The following RASGEF1C variants were observed in gnomAD, a reference collection of about 807,000 sequenced individuals.
RASGEF1C encodes ras-GEF domain-containing family member 1C.
Under a neutral mutation model 58.1 loss-of-function variants are expected in RASGEF1C, and 27 were observed. The ratio of observed to expected loss-of-function variants is 0.46; its 90% CI spans 0.34 to 0.64. The LOEUF is 0.64. RASGEF1C is among the 30% of genes least tolerant of loss of function. RASGEF1C has a pLI of 0.01. For missense variants in RASGEF1C, 502 were observed against 605.1 expected, an observed-to-expected ratio of 0.83 and a Z score of 1.79; for synonymous variants, 243 against 246.3, an observed-to-expected ratio of 0.99 and a Z score of 0.13.
intron 7 of RASGEF1C, 95 bp from the exon 8 acceptor site, chr5:180,119,543 A>C: frequency 3.3e-6 from 3 of 898,990 alleles, no homozygotes; most frequent in Non-Finnish European, 5.4e-6. Flanking sequence ...ACCTTCTCTA[A>C]ACCCATTGCA....
intron 1 of RASGEF1C, among the ~76,000 whole-genome samples, chr5:180,150,766 A>T (rs1348030634): frequency 6.6e-6 from 1 of 152,164 alleles, no homozygotes; most frequent in Non-Finnish European, 1.5e-5. Context: ...GGAAAAAAGG[A>T]AGTCAAATTG....
Position 180,143,779 on chromosome 5 carries a change from T to C in RASGEF1C, c.-6-5721A>G, listed in dbSNP as rs1766621599. Among the ~76,000 whole-genome samples the C allele has an allele frequency of 6.6e-6, 1 of 152,208 alleles. No homozygotes were observed. The highest frequency in any genetic ancestry group is 2.4e-5 in the African/African-American group (1 of 41,460). ...AAGGTGGTCAGTTTACAGACCCTGT[T>C]CCTGCTGGGGTCCCCACATCCCTCA... is the stretch of plus-strand genomic sequence containing the variant. On this transcript the variant is annotated intron_variant, in intron 1 of 13. Coordinates refer to ENST00000361132, the MANE Select transcript of RASGEF1C (RefSeq NM_175062.4). This position sits in a 1 kb window ranked among gnomAD's most constrained non-coding sequence, Gnocchi z 4.3.
intron 1 of RASGEF1C, among the ~76,000 whole-genome samples, chr5:180,191,229 C>T (rs1180145159): frequency 1.3e-5 from 2 of 152,216 alleles, no homozygotes; most frequent in African/African-American, 2.4e-5. Context: ...TAGAATTTGG[C>T]AGTTTCTTAA....
At chr5:180,118,569 C>T in intron 10 of RASGEF1C, 40 bp downstream of exon 10, 5 of 1,542,318 alleles carry the variant, frequency 3.2e-6, no homozygotes, top group Non-Finnish European at 4.4e-6. Flanking sequence ...ACCCAGGTTC[C>T]CTGCTGCAGC....
At chr5:180,152,631 T>G (rs377584525) in intron 1 of RASGEF1C, among the ~76,000 whole-genome samples, 1 of 148,266 alleles carries the variant, frequency 6.7e-6, no homozygotes, top group Non-Finnish European at 1.5e-5. Context: ...AGTTAATGGG[T>G]GCAGCACACC....
rs369123355 is a variant in RASGEF1C, at chr5:180,190,259, A to G, written c.-7+18769T>C. Reference sequence around the variant, plus strand: ...TCCCAGCATTTTGGGAGGCCGAGGCAGGCGGATCACGAGGTTAGGAGATCG... The same window carrying G: ...TCCCAGCATTTTGGGAGGCCGAGGCGGGCGGATCACGAGGTTAGGAGATCG... On this transcript the variant is annotated intron_variant, in intron 1 of 13. Coordinates refer to ENST00000361132, the MANE Select transcript of RASGEF1C (RefSeq NM_175062.4). Among the ~76,000 whole-genome samples the G allele has an allele frequency of 9.8e-4, 149 of 152,008 alleles. 2 individuals are homozygous for G. The highest frequency in any genetic ancestry group is 6.6e-3 in the East Asian group (34 of 5,144).
In RASGEF1C at chr5:180,136,436, T is replaced by A; in HGVS notation, c.380A>T (p.Glu127Val). The A allele has an allele frequency of 6.4e-7, 1 of 1,560,810 alleles. No individual in the cohort carries two copies. Among genetic ancestry groups the A allele is most frequent in the Non-Finnish European group, 8.7e-7 (1 of 1,152,332 alleles). The change falls in exon 4 of 14, where the codon GAA becomes GTA. Residue 127 changes from glutamate (E) to valine (V), a missense_variant. Physicochemically the swap from Glu to Val is moderately radical, Grantham distance 121. Coordinates refer to ENST00000361132, the MANE Select transcript of RASGEF1C (RefSeq NM_175062.4). ...CTTAAGGTGCCCGATAGTCGACTCT[T>A]CCTGGAAGTCCCTTGGGAAGGTCTC... Reference protein sequence around the residue: ...WTETFPRDFQEESTIGHLKDV... With the variant: ...WTETFPRDFQVESTIGHLKDV...
chr5:180,150,660 C>T (rs4700882), intron 1 of RASGEF1C, among the ~76,000 whole-genome samples: 140,960 of 152,160 alleles, frequency 0.93, 66,226 homozygotes, highest in East Asian at 1. Context: ...AACCCTGTCT[C>T]TGGGATGCCC....
intron 1 of RASGEF1C, among the ~76,000 whole-genome samples, chr5:180,153,722 A>AT (rs1766804140): frequency 6.6e-6 from 1 of 152,242 alleles, no homozygotes; most frequent in African/African-American, 2.4e-5. Flanking sequence ...CATGTCTACA[A>AT]TTAATGGTAA....
intron 1 of RASGEF1C, among the ~76,000 whole-genome samples, chr5:180,176,556 CTTT>C (rs538002188): frequency 2.9e-5 from 4 of 138,352 alleles, no homozygotes; most frequent in African/African-American, 2.7e-5. Context: ...AAGGCTAATA[CTTT>C]TTTTTTTTTT....
At chr5:180,208,322 C>T (rs1405078453) in intron 1 of RASGEF1C, among the ~76,000 whole-genome samples, 1 of 152,160 alleles carries the variant, frequency 6.6e-6, no homozygotes, top group Non-Finnish European at 1.5e-5. Flanking sequence ...AGCACCCCAA[C>T]TTCCCAGCTC....
intron 6 of RASGEF1C, among the ~76,000 whole-genome samples, chr5:180,125,811 G>T (rs951853860): frequency 3.3e-5 from 5 of 151,958 alleles, no homozygotes; most frequent in Non-Finnish European, 5.9e-5. Flanking sequence ...AATCTTAATT[G>T]CTAATATAAA....
intron 1 of RASGEF1C, among the ~76,000 whole-genome samples, chr5:180,163,417 A>G (rs1766976617): frequency 6.6e-6 from 1 of 151,836 alleles, no homozygotes; most frequent in African/African-American, 2.4e-5. Flanking sequence ...AGATTGGGGA[A>G]GTTCCCTTCT....
intron 4 of RASGEF1C, among the ~76,000 whole-genome samples, chr5:180,132,382 G>C (rs1420155759): frequency 6.6e-6 from 1 of 152,216 alleles, no homozygotes; most frequent in East Asian, 1.9e-4. Flanking sequence ...CTCTTGGACT[G>C]GGCATTTCAC....
chr5:180,136,430 G>T lies in RASGEF1C; in HGVS notation c.386C>A (p.Ser129Ter). 6.4e-7 allele frequency: 1 copy of T among 1,561,516 alleles called. No homozygotes were observed. The highest frequency in any genetic ancestry group is 1.2e-5 in the South Asian group (1 of 84,916). ...ETFPRDFQEE[S>*]TIGHLKDVVG... is the part of the protein sequence containing the mutation. Reference sequence around the variant, plus strand: ...GACGTCCTTAAGGTGCCCGATAGTCGACTCTTCCTGGAAGTCCCTTGGGAA... The same window carrying T: ...GACGTCCTTAAGGTGCCCGATAGTCTACTCTTCCTGGAAGTCCCTTGGGAA... Residue 129 changes from serine (S) to a stop codon, truncating the protein, a stop_gained, in exon 4 of 14, where the codon TCG becomes TAG. Coordinates refer to ENST00000361132, the MANE Select transcript of RASGEF1C (RefSeq NM_175062.4). LOFTEE classifies it high-confidence loss of function.
chr5:180,173,792 A>G (rs776695408), intron 1 of RASGEF1C, among the ~76,000 whole-genome samples: 4 of 152,092 alleles, frequency 2.6e-5, no homozygotes, highest in African/African-American at 7.2e-5. Context: ...GGGCGCCTGT[A>G]ATCCCAGCTG....
intron 1 of RASGEF1C, among the ~76,000 whole-genome samples, chr5:180,201,190 GA>G (rs1163261393): frequency 6.6e-6 from 1 of 152,212 alleles, no homozygotes; most frequent in African/African-American, 2.4e-5. Flanking sequence ...CTGGGGAACT[GA>G]AAGGAGACAG....
chr5:180,204,722 C>G (rs10043453), intron 1 of RASGEF1C, among the ~76,000 whole-genome samples: 1 of 151,846 alleles, frequency 6.6e-6, no homozygotes, highest in Non-Finnish European at 1.5e-5. Flanking sequence ...GTATTAGAGG[C>G]CTTTTTACTA....
intron 6 of RASGEF1C, among the ~76,000 whole-genome samples, chr5:180,125,011 T>C (rs1352282286): frequency 3.3e-5 from 5 of 152,090 alleles, no homozygotes; most frequent in African/African-American, 1.2e-4. Flanking sequence ...CATGTGCCTG[T>C]AGTCCCAGCT....
Sources: allele counts gnomAD v4.1 joint callset (sites outside exome capture counted in the v4.1 genomes callset), GRCh38; gene constraint gnomAD v4.1.1; non-coding constraint Gnocchi (gnomAD v3.1); transcripts MANE v1.5; gene names NCBI Gene and HGNC (gene_info 2026-07-23, HGNC 2026-07-21).